Variants in CEP162 observed in about 807,000 individuals in gnomAD.
CEP162 encodes centrosomal protein 162, also known as centrosomal protein of 162 kDa.
CEP162 carries 141 observed loss-of-function variants against 169.2 expected under a neutral mutation model. The ratio of observed to expected loss-of-function variants is 0.83; its 90% CI spans 0.73 to 0.96. The LOEUF (loss-of-function observed/expected upper bound fraction) is 0.96, where lower values mean the gene tolerates loss of function less well. Ranked by LOEUF, CEP162 falls within the 40% of genes least tolerant of loss-of-function variation. CEP162 has a pLI of 0.00. For missense variants in CEP162, 1,600 were observed against 1,587.2 expected (o/e 1.01, Z -0.14); for synonymous variants, 540 against 526.4 (o/e 1.03, Z -0.35).
chr6:84,188,828 G>A (rs2099538385), intron 11 of CEP162, among the ~76,000 whole-genome samples: 1 of 152,132 alleles, frequency 6.6e-6, no homozygotes, highest in South Asian at 2.1e-4. Context: ...CACAATGGCT[G>A]AACTAATTTA....
At chr6:84,151,920 A>T (rs1245528317) in intron 23 of CEP162, among the ~76,000 whole-genome samples, 1 of 152,116 alleles carries the variant, frequency 6.6e-6, no homozygotes, top group Non-Finnish European at 1.5e-5. Context: ...AGTGAGATAG[A>T]AATAAAAGAA....
At chr6:84,141,039 C>T (rs1470111622) in intron 25 of CEP162, among the ~76,000 whole-genome samples, 1 of 152,226 alleles carries the variant, frequency 6.6e-6, no homozygotes, top group African/African-American at 2.4e-5. Context: ...ATTGGGTTCA[C>T]GCTCCTATGA....
intron 6 of CEP162, among the ~76,000 whole-genome samples, chr6:84,204,625 A>G (rs1247729295): frequency 6.6e-6 from 1 of 152,262 alleles, no homozygotes; most frequent in East Asian, 1.9e-4. Flanking sequence ...AAGAAAAAGC[A>G]GGAAAGATCT....
In CEP162 at chr6:84,215,906, A is replaced by G; in HGVS notation, c.189T>C (p.Asn63=). 1.3e-6 allele frequency: 2 copies of G among 1,568,510 alleles called. No individual in the cohort carries two copies. Among genetic ancestry groups the G allele is most frequent in the Non-Finnish European group, 1.7e-6 (2 of 1,156,096 alleles). Residue 63 remains asparagine (N), a synonymous_variant, in exon 4 of 27, where the codon AAT becomes AAC. Transcript: ENST00000403245. ...TCTTCTTTGTTTTCAAATAGCTCAC[A>G]TTTGTTCCAAGAAGTCCTAGGTACA... ...DFKDDGLLGT[N]VSYLKTKKTS...
In CEP162 at chr6:84,214,038, G is replaced by C. The variant is rs141153178; in HGVS notation, c.504-1014C>G. The stretch of plus-strand genomic sequence containing the variant: ...TCATGCCTGTAATCCCAGCACTTTG[G>C]GAGGCTGAGACAGGTGGATCACAAG... On this transcript the variant is annotated intron_variant, in intron 5 of 26. Coordinates refer to ENST00000403245, the MANE Select transcript of CEP162 (RefSeq NM_014895.4). Among the ~76,000 whole-genome samples the C allele has an allele frequency of 3.4e-3, 524 of 152,280 alleles. 3 individuals are homozygous for C. The highest frequency in any genetic ancestry group is 0.012 in the African/African-American group (483 of 41,560).
chr6:84,170,923 C>T (rs941510186), intron 17 of CEP162, among the ~76,000 whole-genome samples: 4 of 152,124 alleles, frequency 2.6e-5, no homozygotes, highest in African/African-American at 4.8e-5. Flanking sequence ...TCCTTTAAAC[C>T]GCAGCCCCTG....
At chr6:84,159,675 T>C (rs1236349822) in intron 21 of CEP162, among the ~76,000 whole-genome samples, 1 of 147,488 alleles carries the variant, frequency 6.8e-6, no homozygotes, top group Non-Finnish European at 1.5e-5. Flanking sequence ...AGTGATTCTC[T>C]TGCCTCACCC....
Position 84,174,719 on chromosome 6 carries a change from T to G in CEP162, c.2025+8A>C. 1.6e-6 allele frequency: 2 copies of G among 1,243,644 alleles called. No homozygotes were observed. Among genetic ancestry groups the G allele is most frequent in the Non-Finnish European group, 2.3e-6 (2 of 876,390 alleles). The allele number at this position is 1,243,644 out of a possible 1,614,324, so 77.0% of individuals were successfully genotyped here. A position where few individuals can be genotyped will look rare whatever the true frequency, so the allele number is the denominator to read the frequency against. ...TATAAAAAAATACCAGAACAATGTA[T>G]CTAGTACCTTGGCTTGAAGAATATA... On this transcript the variant is annotated splice_region_variant and intron_variant, in intron 15 of 26. Transcript: ENST00000403245.
intron 21 of CEP162, among the ~76,000 whole-genome samples, chr6:84,155,781 G>A (rs2099522907): frequency 6.6e-6 from 1 of 152,090 alleles, no homozygotes; most frequent in African/African-American, 2.4e-5. Flanking sequence ...GGAAGGATTA[G>A]TGTAGTTAAA....
intron 24 of CEP162, among the ~76,000 whole-genome samples, chr6:84,148,066 A>C (rs1323475198): frequency 6.6e-6 from 1 of 152,076 alleles, no homozygotes; most frequent in Non-Finnish European, 1.5e-5. Context: ...CTTAATACAA[A>C]ATCACTTGAT....
In CEP162 at chr6:84,204,053, C is replaced by T. The variant is rs762535450; in HGVS notation, c.615G>A (p.Pro205=). The part of the protein sequence containing the change: ...DDFEDEYVGA[P]LTTKDEEMPS... ...GCATCTCTTCATCTTTAGTAGTCAA[C>T]GGTGCACCAACATACTCATCTTCAA... Residue 205 remains proline (P), a synonymous_variant, in exon 7 of 27, where the codon CCG becomes CCA. Transcript: ENST00000403245. 1.9e-5 allele frequency: 30 copies of T among 1,609,278 alleles called. No individual in the cohort carries two copies. Among genetic ancestry groups the T allele is most frequent in the Middle Eastern group, 1.6e-4 (1 of 6,066 alleles).
At chr6:84,188,614 T>G (rs931693734) in intron 11 of CEP162, among the ~76,000 whole-genome samples, 47 of 152,244 alleles carry the variant, frequency 3.1e-4, no homozygotes, top group African/African-American at 1.1e-3. Context: ...TATCACACTT[T>G]CTTTATCCAG....
rs561655100 is a variant in CEP162, at chr6:84,155,344, G to T, written c.2948C>A (p.Ala983Glu). 3.8e-5 allele frequency: 61 copies of T among 1,613,530 alleles called. No individual in the cohort carries two copies. In the East Asian group the frequency reaches 1.3e-3, roughly 35 times the overall value. The change falls in exon 22 of 27, where the codon GCA (alanine) becomes GAA (glutamate). Residue 983 changes from alanine to glutamate, a missense_variant. Coordinates refer to ENST00000403245, the MANE Select transcript of CEP162 (RefSeq NM_014895.4). ...TTCCATGGTACGAAGGCTTTTCTTT[G>T]CATCTTCATCTTTGCCCTCCAGATC... The part of the protein sequence containing the change: ...EADLEGKDED[A>E]KKSLRTMEQQ...
chr6:84,223,194 G>A (rs2099554405), intron 2 of CEP162, among the ~76,000 whole-genome samples: 1 of 152,100 alleles, frequency 6.6e-6, no homozygotes, highest in Admixed American at 6.5e-5. Context: ...TAATGAATAT[G>A]ATTCATTAAA....
intron 24 of CEP162, among the ~76,000 whole-genome samples, chr6:84,149,066 A>C (rs1024631416): frequency 2.0e-5 from 3 of 152,180 alleles, no homozygotes; most frequent in Non-Finnish European, 2.9e-5. Context: ...GCTCCATCAG[A>C]GCAAGAGCTG....
intron 6 of CEP162, among the ~76,000 whole-genome samples, chr6:84,211,148 G>GA (rs2099549247): frequency 6.6e-6 from 1 of 150,482 alleles, no homozygotes; most frequent in Admixed American, 6.6e-5. Flanking sequence ...TTAAGGACTT[G>GA]AAAAAAATGA....
rs768512946 is a variant in CEP162 at position 84,201,764 on chromosome 6, C to T, written c.691G>A (p.Glu231Lys). The change falls in exon 8 of 27, where the codon GAA becomes AAA. Residue 231 changes from glutamate to lysine, a missense_variant. By Grantham distance (56) the Glu-to-Lys change is moderately conservative. Transcript: ENST00000403245. ...SEKISVPKQE[E>K]EKTGMLANVV... Reference sequence around the variant, plus strand: ...TTAGCAAGCATGCCAGTTTTTTCTTCTTCCTAAATTAAAAAAGGAAAATGA... The same window carrying T: ...TTAGCAAGCATGCCAGTTTTTTCTTTTTCCTAAATTAAAAAAGGAAAATGA... 2.3e-5 allele frequency: 31 copies of T among 1,331,638 alleles called. No homozygotes were observed. The East Asian group carries it at 7.8e-4, about 34-fold the overall frequency. The allele number at this position is 1,331,638 out of a possible 1,614,324, so 82.5% of individuals were successfully genotyped here. A position where few individuals can be genotyped will look rare whatever the true frequency, so the allele number is the denominator to read the frequency against.
Position 84,149,593 on chromosome 6 carries a change from G to C in CEP162, c.3740C>G (p.Ala1247Gly). Residue 1247 changes from alanine to glycine, a missense_variant, in exon 24 of 27, where the codon GCT (alanine) becomes GGT (glycine). Coordinates refer to ENST00000403245, the MANE Select transcript of CEP162 (RefSeq NM_014895.4). The stretch of plus-strand genomic sequence containing the variant: ...AGTTGCTATTTTACGATTTAGTTCA[G>C]CTACTTTGGAAGAAGAATTTTCTAC... ...NAVENSSSKV[A>G]ELNRKIATQE... The C allele has an allele frequency of 6.2e-7, 1 of 1,601,476 alleles. No homozygotes were observed. Among genetic ancestry groups the C allele is most frequent in the Non-Finnish European group, 8.5e-7 (1 of 1,173,960 alleles).
chr6:84,151,159 T>C (rs1289164855), intron 23 of CEP162, among the ~76,000 whole-genome samples: 1 of 152,022 alleles, frequency 6.6e-6, no homozygotes, highest in East Asian at 1.9e-4. Flanking sequence ...CTTGAGATGC[T>C]AGGCAGAGAA....
Sources: gnomAD v4.1 joint callset for allele counts (sites outside exome capture counted in the v4.1 genomes callset) on GRCh38, gnomAD v4.1.1 for gene constraint, MANE v1.5 for transcripts, NCBI Gene and HGNC (gene_info 2026-07-23, HGNC 2026-07-21) for gene names.